The following DEPTOR variants were observed in gnomAD, a reference collection of about 807,000 sequenced individuals.
DEPTOR encodes DEP domain-containing mTOR-interacting protein.
DEPTOR carries 41 observed loss-of-function variants against 41.6 expected under a neutral mutation model. The observed-to-expected ratio is 0.98, with a 90% CI of 0.77 to 1.28. DEPTOR has a LOEUF of 1.28. DEPTOR is among the 50% of genes most tolerant of loss of function. The probability of loss-of-function intolerance (pLI) is 0.00; values close to 1 mark genes in which losing one functional copy is unlikely to be tolerated. For synonymous variants in DEPTOR, 195 were observed against 192.3 expected (o/e 1.01, Z -0.12); for missense variants, 514 against 527.9 (o/e 0.97, Z 0.26).
At chr8:120,030,706 T>A in intron 8 of DEPTOR, among the ~76,000 whole-genome samples, 1 of 151,942 alleles carries the variant, frequency 6.6e-6, no homozygotes, top group South Asian at 2.1e-4. Context: ...GATTTCACCA[T>A]GTGGGCCAGG....
intron 8 of DEPTOR, among the ~76,000 whole-genome samples, chr8:120,044,000 A>T (rs1179536668): frequency 6.6e-6 from 1 of 151,472 alleles, no homozygotes; most frequent in East Asian, 1.9e-4. Context: ...GGACAGCGCG[A>T]GACTCTGTCT....
At chr8:120,002,646 C>T (rs1361989306) in intron 5 of DEPTOR, among the ~76,000 whole-genome samples, 4 of 149,786 alleles carry the variant, frequency 2.7e-5, no homozygotes, top group South Asian at 4.2e-4. Flanking sequence ...GGCGTGGTGG[C>T]GGACACCTAT....
intron 3 of DEPTOR, among the ~76,000 whole-genome samples, chr8:119,937,269 G>A (rs931085759): frequency 6.6e-6 from 1 of 151,956 alleles, no homozygotes; most frequent in Non-Finnish European, 1.5e-5. Context: ...GCGTGGTGAT[G>A]GGTGCCTGTA....
At chr8:119,997,502 C>A (rs9643140) in intron 4 of DEPTOR, among the ~76,000 whole-genome samples, 55,735 of 152,046 alleles carry the variant, frequency 0.37, 10,952 homozygotes, top group East Asian at 0.59. Flanking sequence ...TCCCAATGTG[C>A]TGGCATTACA....
intron 3 of DEPTOR, among the ~76,000 whole-genome samples, chr8:119,952,580 C>T (rs115382462): frequency 0.019 from 2,924 of 152,284 alleles, 46 homozygotes; most frequent in African/African-American, 0.024. Context: ...ACCGTGCCCT[C>T]CCACTGCTAC....
At chr8:119,911,807 A>G (rs992777684) in intron 1 of DEPTOR, among the ~76,000 whole-genome samples, 12 of 152,200 alleles carry the variant, frequency 7.9e-5, no homozygotes, top group Non-Finnish European at 1.3e-4. Flanking sequence ...GAACACAGCT[A>G]TCAAAGGACC....
chr8:120,033,930 G>C (rs773893304), intron 8 of DEPTOR, among the ~76,000 whole-genome samples: 6 of 152,070 alleles, frequency 3.9e-5, no homozygotes. Flanking sequence ...TGAAGGGGCG[G>C]GTGACTCACG....
intron 8 of DEPTOR, 40 bp downstream of exon 8, chr8:120,009,173 T>C (rs1262999760): frequency 1.3e-6 from 2 of 1,565,066 alleles, no homozygotes; most frequent in African/African-American, 2.7e-5. Flanking sequence ...ATATCTGTCT[T>C]GGGTTCTTCA....
At chr8:119,991,089 T>TC (rs1238701978) in intron 4 of DEPTOR, among the ~76,000 whole-genome samples, 9 of 6,786 alleles carry the variant, frequency 1.3e-3, no homozygotes, top group South Asian at 6.5e-3. Context: ...TTTCTTTCTT[T>TC]TTCTTTCTTT....
intron 3 of DEPTOR, among the ~76,000 whole-genome samples, chr8:119,948,137 T>A (rs1828306011): frequency 6.6e-6 from 1 of 152,234 alleles, no homozygotes; most frequent in South Asian, 2.1e-4. Flanking sequence ...ACAGCATTTA[T>A]CTGTCTTGCA....
intron 8 of DEPTOR, among the ~76,000 whole-genome samples, chr8:120,016,521 A>G (rs1812614317): frequency 6.6e-6 from 1 of 151,892 alleles, no homozygotes. Context: ...GGCTGGTCTC[A>G]AACTCCTGAC....
intron 8 of DEPTOR, among the ~76,000 whole-genome samples, chr8:120,044,071 C>T (rs991518900): frequency 6.1e-4 from 55 of 90,254 alleles, no homozygotes; most frequent in African/African-American, 1.9e-3. Flanking sequence ...GCTAGCCTAA[C>T]AAAAAAAAAA....
intron 1 of DEPTOR, among the ~76,000 whole-genome samples, chr8:119,906,748 G>A (rs779415073): frequency 1.3e-5 from 2 of 152,142 alleles, no homozygotes; most frequent in Non-Finnish European, 2.9e-5. Context: ...CTGAAGGAAG[G>A]CCTTCATAGG....
At chr8:119,874,124 C>A in intron 1 of DEPTOR, 156 bp downstream of exon 1, 1 of 1,252,022 alleles carries the variant, frequency 8.0e-7, no homozygotes, top group Non-Finnish European at 1.1e-6. Context: ...TGCGCCCGCG[C>A]TTAGCTGCTG....
Position 119,928,387 on chromosome 8 carries a change from A to T in DEPTOR, c.123-13A>T. 6.2e-7 allele frequency: 1 copy of T among 1,605,008 alleles called. No homozygotes were observed. Among genetic ancestry groups the T allele is most frequent in the Non-Finnish European group, 8.5e-7 (1 of 1,176,046 alleles). ...ATCAGAATTTCCAAAGTAATTGCTA[A>T]TTTTTCTTTCAGGCTCAGGCTGCAC... On this transcript the variant is annotated splice_polypyrimidine_tract_variant and intron_variant, in intron 1 of 8. Coordinates refer to ENST00000286234, the MANE Select transcript of DEPTOR (RefSeq NM_022783.4).
intron 8 of DEPTOR, among the ~76,000 whole-genome samples, chr8:120,018,352 C>G (rs867221589): frequency 2.0e-5 from 3 of 152,046 alleles, no homozygotes; most frequent in African/African-American, 4.8e-5. Context: ...CCGAGGCAGG[C>G]GGATCACCTG....
intron 3 of DEPTOR, among the ~76,000 whole-genome samples, chr8:119,936,214 A>G (rs1828111204): frequency 6.6e-6 from 1 of 152,154 alleles, no homozygotes; most frequent in Non-Finnish European, 1.5e-5. Context: ...AAAGGGAGAG[A>G]GTACATCCAA....
chr8:119,909,395 G>A (rs537499095), intron 1 of DEPTOR, among the ~76,000 whole-genome samples: 1 of 152,260 alleles, frequency 6.6e-6, no homozygotes, highest in Admixed American at 6.5e-5. Flanking sequence ...TTTATAAGTA[G>A]CCACAGGTGT....
chr8:120,044,568 T>C (rs1813127905), intron 8 of DEPTOR, among the ~76,000 whole-genome samples: 1 of 152,198 alleles, frequency 6.6e-6, no homozygotes, highest in African/African-American at 2.4e-5. Context: ...TAGGGTCAGA[T>C]GACCCTGTGA....
Sources: gnomAD v4.1 joint callset for allele counts (sites outside exome capture counted in the v4.1 genomes callset) on GRCh38, gnomAD v4.1.1 for gene constraint, MANE v1.5 for transcripts, NCBI Gene and HGNC (gene_info 2026-07-23, HGNC 2026-07-21) for gene names.